The following DLGAP2 variants were observed in gnomAD, a reference collection of about 807,000 sequenced individuals.
The protein encoded by DLGAP2 is DLG associated protein 2.
A neutral mutation model predicts 100.3 loss-of-function variants in DLGAP2; 26 were observed. That is an observed-to-expected ratio of 0.26 (90% CI 0.19 to 0.36). DLGAP2 has a LOEUF of 0.36. Among genes scored for constraint, DLGAP2 ranks in the 10% least tolerant of loss-of-function variants. DLGAP2 has a pLI of 1.00. For synonymous variants in DLGAP2, 886 were observed against 630.1 expected (o/e 1.41, Z -6.08); for missense variants, 1,858 against 1,453.2 (o/e 1.28, Z -4.53).
At chr8:1,328,769 C>G (rs142484178) in intron 3 of DLGAP2, among the ~76,000 whole-genome samples, 16 of 152,144 alleles carry the variant, frequency 1.1e-4, no homozygotes, top group Non-Finnish European at 1.6e-4. Flanking sequence ...TAACGGGAGA[C>G]GGCGGAAATG....
intron 1 of DLGAP2, among the ~76,000 whole-genome samples, chr8:757,152 C>G (rs1038347143): frequency 1.3e-5 from 2 of 152,192 alleles, no homozygotes; most frequent in African/African-American, 4.8e-5. Context: ...CTGTCCCCTT[C>G]CCTTTGCCAT....
At chr8:1,245,165 C>G (rs1363307006) in intron 2 of DLGAP2, among the ~76,000 whole-genome samples, 1 of 152,174 alleles carries the variant, frequency 6.6e-6, no homozygotes, top group Non-Finnish European at 1.5e-5. Flanking sequence ...ATCATGCAGC[C>G]ACTTTGGAAA....
At chr8:1,113,218 G>C (rs752296029) in intron 2 of DLGAP2, among the ~76,000 whole-genome samples, 7 of 152,046 alleles carry the variant, frequency 4.6e-5, no homozygotes, top group Non-Finnish European at 1.0e-4. Context: ...TTTTACAATA[G>C]TTTTTTTCTA....
At chr8:1,379,674 A>G (rs7386449) in intron 3 of DLGAP2, 70,841 of 152,204 alleles carry the variant, frequency 0.47, 18,258 homozygotes, top group African/African-American at 0.69. Flanking sequence ...TCTAACTGGC[A>G]GGGACCCCGC....
At chr8:1,242,402 C>T (rs757225157) in intron 2 of DLGAP2, among the ~76,000 whole-genome samples, 12 of 152,358 alleles carry the variant, frequency 7.9e-5, no homozygotes, top group Non-Finnish European at 1.8e-4. Context: ...CATCACCAGC[C>T]AGGGGTCAGC....
intron 1 of DLGAP2, among the ~76,000 whole-genome samples, chr8:863,342 A>G (rs1317087094): frequency 6.6e-6 from 1 of 152,210 alleles, no homozygotes; most frequent in Non-Finnish European, 1.5e-5. Flanking sequence ...AGATTGCATC[A>G]CACAACAAAT....
In DLGAP2 at chr8:989,388, C is replaced by G. The variant is rs1009258800; in HGVS notation, c.73+81422C>G. ...TGACACCTTATCCATAGTAGACGTC[C>G]AAACCTTGCTTGCACCTGAATCGGC... On this transcript the variant is annotated intron_variant, in intron 2 of 14. Transcript: ENST00000637795. Among the ~76,000 whole-genome samples, 11 of 152,292 alleles carry G rather than the reference C, an allele frequency of 7.2e-5. No homozygotes were observed. In the East Asian group the frequency reaches 1.9e-3, roughly 27 times the overall value.
At chr8:1,296,223 G>A (rs1392757061) in intron 3 of DLGAP2, 1 of 152,138 alleles carries the variant, frequency 6.6e-6, no homozygotes, top group African/African-American at 2.4e-5. Flanking sequence ...CGAGAGGTTA[G>A]AAATCAAGGA....
intron 1 of DLGAP2, among the ~76,000 whole-genome samples, chr8:778,872 G>T (rs1585853642): frequency 6.6e-6 from 1 of 152,268 alleles, no homozygotes; most frequent in Non-Finnish European, 1.5e-5. Context: ...GCTCCACCCA[G>T]TTCGAGCTTC....
intron 2 of DLGAP2, among the ~76,000 whole-genome samples, chr8:1,146,134 C>T (rs1267016141): frequency 6.6e-6 from 1 of 152,192 alleles, no homozygotes; most frequent in Non-Finnish European, 1.5e-5. Context: ...GCCTGCCACA[C>T]ATCTCTGCAG....
chr8:1,280,300 G>T (rs149886933), intron 3 of DLGAP2, among the ~76,000 whole-genome samples: 87 of 152,200 alleles, frequency 5.7e-4, no homozygotes, highest in African/African-American at 2.0e-3. Flanking sequence ...GGCTGTACTC[G>T]TAACCCCTTC....
chr8:1,335,402 G>C (rs966624852), intron 3 of DLGAP2, among the ~76,000 whole-genome samples: 1 of 152,196 alleles, frequency 6.6e-6, no homozygotes, highest in African/African-American at 2.4e-5. Context: ...AGCAACACAT[G>C]AGTGTGTTCT....
At chr8:1,550,926 C>G (rs1801743740) in intron 5 of DLGAP2, among the ~76,000 whole-genome samples, 1 of 152,230 alleles carries the variant, frequency 6.6e-6, no homozygotes, top group Admixed American at 6.5e-5. Context: ...CTCGCATCAG[C>G]TTAGAGACAT....
rs554710779 is a variant in DLGAP2, at chr8:1,363,724, G to A, written c.106+104841G>A. Among the ~76,000 whole-genome samples the A allele has an allele frequency of 8.5e-5, 13 of 152,308 alleles. No homozygotes were observed. In the South Asian group the frequency reaches 2.1e-3, roughly 24 times the overall value. On this transcript the variant is annotated intron_variant, in intron 3 of 14. Transcript: ENST00000637795. ...TGGAGAGAAGGAAAGAGAACCCGACGCTCTGGCAGCTCCTCTCTGGTGGCT... is the reference window on the plus strand; with the variant it reads ...TGGAGAGAAGGAAAGAGAACCCGACACTCTGGCAGCTCCTCTCTGGTGGCT...
chr8:1,184,251 A>C lies in DLGAP2; in HGVS notation c.74-74600A>C, dbSNP rs1797452207. On this transcript the variant is annotated intron_variant, in intron 2 of 14. Transcript: ENST00000637795. ...TTGCACTAAAGAGAACATATACTAA[A>C]ATATGAAGCATTTGTGATTTATTAT... Among the ~76,000 whole-genome samples, 2 of 152,260 alleles carry C rather than the reference A, an allele frequency of 1.3e-5. 1 individual carries two copies. The highest frequency in any genetic ancestry group is 4.1e-4 in the South Asian group (2 of 4,836).
intron 3 of DLGAP2, among the ~76,000 whole-genome samples, chr8:1,347,643 G>T (rs867148804): frequency 2.0e-5 from 3 of 151,750 alleles, no homozygotes; most frequent in Non-Finnish European, 4.4e-5. Context: ...GCTGTGTGGA[G>T]GTTGAGTTCC....
intron 2 of DLGAP2, among the ~76,000 whole-genome samples, chr8:1,160,634 G>T (rs189656972): frequency 6.6e-6 from 1 of 152,150 alleles, no homozygotes; most frequent in Admixed American, 6.5e-5. Context: ...GCTGCTCTCC[G>T]CTGGGCCCCA....
chr8:1,344,494 T>G (rs1397763359), intron 3 of DLGAP2, among the ~76,000 whole-genome samples: 1 of 152,234 alleles, frequency 6.6e-6, no homozygotes, highest in Non-Finnish European at 1.5e-5. Context: ...TGAAGCACTT[T>G]GTGCCTCAGT....
chr8:1,513,112 A>G (rs370830602), intron 4 of DLGAP2, among the ~76,000 whole-genome samples: 2 of 151,560 alleles, frequency 1.3e-5, no homozygotes, highest in South Asian at 4.3e-4. Context: ...GGGAGAGGCC[A>G]CAGGCCAGCT....
Sources: allele counts gnomAD v4.1 joint callset (sites outside exome capture counted in the v4.1 genomes callset), GRCh38; gene constraint gnomAD v4.1.1; transcripts MANE v1.5; gene names NCBI Gene and HGNC (gene_info 2026-07-23, HGNC 2026-07-21).